Variants in BBX observed in about 807,000 individuals in gnomAD.
BBX encodes the protein BBX high mobility group box domain containing.
In BBX, 30 loss-of-function variants were observed where a neutral mutation model predicts 100.2. The ratio of observed to expected loss-of-function variants is 0.30; its 90% CI spans 0.22 to 0.41. The LOEUF is 0.41. Ranked by LOEUF, BBX falls within the 10% of genes least tolerant of loss-of-function variation. BBX has a pLI of 1.00. For synonymous variants in BBX, 376 were observed against 388.1 expected, an observed-to-expected ratio of 0.97 and a Z score of 0.37; for missense variants, 1,023 against 1,129.8, an observed-to-expected ratio of 0.91 and a Z score of 1.35.
intron 17 of BBX, 61 bp downstream of exon 17, chr3:107,801,342 G>A: frequency 6.5e-7 from 1 of 1,548,394 alleles, no homozygotes; most frequent in Non-Finnish European, 8.7e-7. Context: ...TCTTTGATGT[G>A]ATTTGTGACA....
chr3:107,651,721 C>T (rs966283632), intron 3 of BBX, among the ~76,000 whole-genome samples: 1 of 152,090 alleles, frequency 6.6e-6, no homozygotes, highest in African/African-American at 2.4e-5. Context: ...GTCAGGGAGT[C>T]CTAAGTCTGA....
chr3:107,560,283 T>G (rs2050391533), intron 2 of BBX, among the ~76,000 whole-genome samples: 1 of 152,210 alleles, frequency 6.6e-6, no homozygotes, highest in Non-Finnish European at 1.5e-5. Flanking sequence ...AGGTGGTATC[T>G]TGACCTTTTA....
At chr3:107,719,168 C>T (rs2107408557) in intron 5 of BBX, among the ~76,000 whole-genome samples, 1 of 152,028 alleles carries the variant, frequency 6.6e-6, no homozygotes, top group Admixed American at 6.6e-5. Flanking sequence ...TTTTTCAAGG[C>T]TCCCCCAACA....
rs201624979 is a variant in BBX, at chr3:107,778,478, A to C, written c.2162A>C (p.Lys721Thr). The C allele has an allele frequency of 1.8e-5, 29 of 1,613,366 alleles. No homozygotes were observed. The highest frequency in any genetic ancestry group is 5.5e-5 in the South Asian group (5 of 91,080). ...KCVPVPRKKK[K>T]TGNVSSEPTK... ...GTACCTGTCCCAAGAAAAAAGAAGA[A>C]GACTGGAAATGTGTCCTCAGAACCG... Residue 721 changes from lysine to threonine, a missense_variant, in exon 13 of 18, where the codon AAG becomes ACG. Around this residue, in one of 9 missense-constraint regions of BBX, gnomAD observed 215 missense variants for 211.3 expected, o/e 1.02. Coordinates refer to ENST00000325805, the MANE Select transcript of BBX (RefSeq NM_001142568.3).
chr3:107,648,112 A>G (rs2057632223), intron 3 of BBX, among the ~76,000 whole-genome samples: 1 of 152,202 alleles, frequency 6.6e-6, no homozygotes, highest in Non-Finnish European at 1.5e-5. Context: ...CTGCTTTTTT[A>G]GAGACAGAAT....
chr3:107,696,098 G>A (rs1311621742), intron 3 of BBX, among the ~76,000 whole-genome samples: 59 of 151,812 alleles, frequency 3.9e-4, no homozygotes, highest in Middle Eastern at 3.4e-3. Context: ...GTCTCTGCCC[G>A]TGAGATGGGT....
At chr3:107,534,791 G>A (rs1301111176) in intron 2 of BBX, among the ~76,000 whole-genome samples, 1 of 152,184 alleles carries the variant, frequency 6.6e-6, no homozygotes, top group Non-Finnish European at 1.5e-5. Flanking sequence ...TAAGGCACCT[G>A]TTGTTTTTAT....
chr3:107,565,360 T>C (rs186995431), intron 2 of BBX, among the ~76,000 whole-genome samples: 45 of 151,762 alleles, frequency 3.0e-4, no homozygotes, highest in African/African-American at 9.9e-4. Context: ...TTTTTAGTGA[T>C]AGCATACATC....
chr3:107,583,189 C>G (rs1029894547), intron 2 of BBX, among the ~76,000 whole-genome samples: 1 of 151,584 alleles, frequency 6.6e-6, no homozygotes, highest in Non-Finnish European at 1.5e-5. Context: ...ATACAGAGGA[C>G]CTTCAGTGTT....
At chr3:107,633,144 C>T (rs2107735433) in intron 2 of BBX, among the ~76,000 whole-genome samples, 1 of 151,912 alleles carries the variant, frequency 6.6e-6, no homozygotes, top group South Asian at 2.1e-4. Context: ...ATATAAGTTA[C>T]TATAATAATT....
At chr3:107,799,066 C>T (rs937773098) in intron 16 of BBX, among the ~76,000 whole-genome samples, 6 of 151,360 alleles carry the variant, frequency 4.0e-5, no homozygotes, top group South Asian at 2.1e-4. Context: ...AGGAGAATGG[C>T]GTGAACCCGA....
chr3:107,677,770 G>A (rs1158255128), intron 3 of BBX, among the ~76,000 whole-genome samples: 17 of 152,120 alleles, frequency 1.1e-4, no homozygotes, highest in Admixed American at 1.1e-3. Context: ...AGAAACATCT[G>A]TATTAACAAG....
chr3:107,629,379 G>A (rs963366175), intron 2 of BBX, among the ~76,000 whole-genome samples: 2 of 152,184 alleles, frequency 1.3e-5, no homozygotes, highest in Non-Finnish European at 2.9e-5. Flanking sequence ...TAGGGACAAA[G>A]ATACCGATGA....
chr3:107,646,271 C>T (rs2057514466), intron 3 of BBX, among the ~76,000 whole-genome samples: 1 of 152,046 alleles, frequency 6.6e-6, no homozygotes, highest in African/African-American at 2.4e-5. Context: ...GTTTTTTGTA[C>T]TGCTGTTGGC....
At chr3:107,529,750 A>G (rs1008899440) in intron 2 of BBX, among the ~76,000 whole-genome samples, 3 of 152,222 alleles carry the variant, frequency 2.0e-5, no homozygotes, top group Non-Finnish European at 4.4e-5. Flanking sequence ...TATTTCCTTG[A>G]AATGCCAGTA....
Position 107,663,899 on chromosome 3 carries a change from G to A in BBX, c.-10+17990G>A, listed in dbSNP as rs190774697. Among the ~76,000 whole-genome samples, 255 of 150,858 alleles carry A rather than the reference G, an allele frequency of 1.7e-3. 2 individuals are homozygous for A. The highest frequency in any genetic ancestry group is 4.4e-3 in the Admixed American group (66 of 15,140). On this transcript the variant is annotated intron_variant, in intron 3 of 17. Transcript: ENST00000325805. ...CGGCTCACTGCAAGCTCTGCCTCCCGGGTTCACGCCATCCTCCTGCCTCAG... is the reference window on the plus strand; with the variant it reads ...CGGCTCACTGCAAGCTCTGCCTCCCAGGTTCACGCCATCCTCCTGCCTCAG...
chr3:107,743,918 G>GTTTTTTTTTTTTTTTTTTTTTT (rs34762783), intron 7 of BBX, among the ~76,000 whole-genome samples: 8 of 56,622 alleles, frequency 1.4e-4, no homozygotes, highest in Non-Finnish European at 1.5e-4. Flanking sequence ...TGTTTTAGTG[G>GTTTTTTTTTTTTTTTTTTTTTT]TTTTTTTTTT....
rs1446535649 is a variant in BBX at position 107,693,226 on chromosome 3, G to T, written c.-9-17226G>T. On this transcript the variant is annotated intron_variant, in intron 3 of 17. Coordinates refer to ENST00000325805, the MANE Select transcript of BBX (RefSeq NM_001142568.3). The stretch of plus-strand genomic sequence containing the variant: ...AATTAGATCCCATTTGACAATTTTG[G>T]CTTTTGTTGCCATTGCTGTTGGTGT... Among the ~76,000 whole-genome samples, 8 of 151,764 alleles carry T rather than the reference G, an allele frequency of 5.3e-5. No individual in the cohort carries two copies. In the East Asian group the frequency reaches 1.4e-3, roughly 26 times the overall value.
chr3:107,748,699 A>G (rs1292296486), intron 9 of BBX, among the ~76,000 whole-genome samples: 1 of 152,202 alleles, frequency 6.6e-6, no homozygotes, highest in African/African-American at 2.4e-5. Flanking sequence ...AATGAGCACT[A>G]TATGACAAAT....
Sources: gnomAD v4.1 joint callset for allele counts (sites outside exome capture counted in the v4.1 genomes callset) on GRCh38, gnomAD v4.1.1 for gene constraint, gnomAD v4.1.1 regional missense constraint, MANE v1.5 for transcripts, NCBI Gene and HGNC (gene_info 2026-07-23, HGNC 2026-07-21) for gene names.